NFIB: variants seen among roughly 807,000 people sequenced by gnomAD.
The protein encoded by NFIB is nuclear factor I B, also known as nuclear factor 1 B-type.
A neutral mutation model predicts 61.5 loss-of-function variants in NFIB; 11 were observed. That is an observed-to-expected ratio of 0.18 (90% CI 0.11 to 0.30). The LOEUF is 0.30. Ranked by LOEUF, NFIB falls within the 10% of genes least tolerant of loss-of-function variation. The pLI is 1.00. For missense variants in NFIB, 471 were observed against 608.9 expected (o/e 0.77, Z 2.38); for synonymous variants, 260 against 216.5 (o/e 1.20, Z -1.76).
intron 3 of NFIB, among the ~76,000 whole-genome samples, chr9:14,168,403 T>C (rs1342920022): frequency 2.0e-5 from 3 of 152,202 alleles, no homozygotes; most frequent in African/African-American, 7.2e-5. Context: ...AGAGAGGCTC[T>C]GAAGAAGTCT....
intron 1 of NFIB, among the ~76,000 whole-genome samples, chr9:14,324,267 T>G (rs2132832598): frequency 6.6e-6 from 1 of 152,256 alleles, no homozygotes; most frequent in South Asian, 2.1e-4. Context: ...GTCAAGTAAA[T>G]CACATTTAGT....
At chr9:14,463,903 G>T in the NFIB span, among the ~76,000 whole-genome samples, 1 of 152,020 alleles carries the variant, frequency 6.6e-6, no homozygotes, top group African/African-American at 2.4e-5. Context: ...CTCGTGGTCC[G>T]ACCGCCTCGG....
chr9:14,308,296 C>A (rs1022375557), intron 1 of NFIB, among the ~76,000 whole-genome samples: 1 of 151,522 alleles, frequency 6.6e-6, no homozygotes, highest in African/African-American at 2.4e-5. Context: ...GCAGTGCATT[C>A]TCTCCCCACA....
the NFIB span, among the ~76,000 whole-genome samples, chr9:14,426,476 T>G: frequency 6.6e-6 from 1 of 152,194 alleles, no homozygotes; most frequent in African/African-American, 2.4e-5. Context: ...TTGTTGTATC[T>G]TCATGTTTTA....
chr9:14,416,910 T>TTTTTTTTTTG, the NFIB span, among the ~76,000 whole-genome samples: 1 of 146,102 alleles, frequency 6.8e-6, no homozygotes, highest in African/African-American at 2.5e-5. Context: ...TTTTTTTTTT[T>TTTTTTTTTTG]GAGAAGGAGT....
intron 6 of NFIB, 107 bp from the exon 7 acceptor site, chr9:14,125,873 T>C: frequency 7.0e-7 from 1 of 1,433,452 alleles, no homozygotes; most frequent in Non-Finnish European, 9.3e-7. Flanking sequence ...ATTCTTATAC[T>C]TTGGCTCTTT....
At chr9:14,255,226 A>AAAAG (rs887805329) in intron 2 of NFIB, among the ~76,000 whole-genome samples, 1 of 152,164 alleles carries the variant, frequency 6.6e-6, no homozygotes, top group Non-Finnish European at 1.5e-5. Context: ...CTGACTCAAA[A>AAAAG]AAAGAAAGAA....
intron 3 of NFIB, among the ~76,000 whole-genome samples, chr9:14,167,698 A>G (rs1008513287): frequency 1.2e-4 from 18 of 152,194 alleles, no homozygotes; most frequent in Non-Finnish European, 2.5e-4. Flanking sequence ...AAAAAGAATC[A>G]CAAGTGAATC....
chr9:14,101,234 T>TA (rs1318234043), intron 10 of NFIB, among the ~76,000 whole-genome samples: 2 of 152,150 alleles, frequency 1.3e-5, no homozygotes, highest in Non-Finnish European at 2.9e-5. Flanking sequence ...ACAATCTTGT[T>TA]AAAAAAATCA....
At chr9:14,492,750 T>A in the NFIB span, among the ~76,000 whole-genome samples, 1 of 151,984 alleles carries the variant, frequency 6.6e-6, no homozygotes, top group Non-Finnish European at 1.5e-5. Flanking sequence ...CAACTGAACA[T>A]GAGATTTGGG....
At chr9:14,447,080 T>C in the NFIB span, among the ~76,000 whole-genome samples, 3 of 152,182 alleles carry the variant, frequency 2.0e-5, no homozygotes, top group African/African-American at 7.2e-5. Context: ...ATTTTTATCA[T>C]AAGAATCTTA....
chr9:14,169,607 G>T (rs1307178284), intron 3 of NFIB, among the ~76,000 whole-genome samples: 1 of 152,160 alleles, frequency 6.6e-6, no homozygotes, highest in African/African-American at 2.4e-5. Context: ...GATCACATGA[G>T]GTCAGGAGTT....
intron 1 of NFIB, among the ~76,000 whole-genome samples, chr9:14,322,911 G>C (rs2060697772): frequency 6.6e-6 from 1 of 152,170 alleles, no homozygotes; most frequent in African/African-American, 2.4e-5. Flanking sequence ...CTTCCCGACC[G>C]TGTGTCTGCG....
At chr9:14,331,609 T>C (rs917502688) in intron 1 of NFIB, among the ~76,000 whole-genome samples, 1 of 152,210 alleles carries the variant, frequency 6.6e-6, no homozygotes, top group Non-Finnish European at 1.5e-5. Context: ...GTAAGAAGGT[T>C]ATATTCATTC....
At chr9:14,497,240 T>C in the NFIB span, among the ~76,000 whole-genome samples, 2 of 152,244 alleles carry the variant, frequency 1.3e-5, no homozygotes, top group Admixed American at 6.5e-5. Flanking sequence ...ACTTACTACA[T>C]TCTATCAATG....
Position 14,082,757 on chromosome 9 carries a change from A to T in NFIB, c.*5552T>A, listed in dbSNP as rs2032194126. 1 of 196,814 alleles carries T rather than the reference A, an allele frequency of 5.1e-6. No individual in the cohort carries two copies. Among genetic ancestry groups the T allele is most frequent in the Admixed American group, 6.1e-5 (1 of 16,336 alleles). The allele number at this position is 196,814 out of a possible 1,614,324, so 12.2% of individuals were successfully genotyped here. A position where few individuals can be genotyped will look rare whatever the true frequency, so the allele number is the denominator to read the frequency against. ...ATGCCCTCGATGAAGGATGCATAAA[A>T]AGCCATACTTCTTAAAAAAAAAAAA... is the stretch of plus-strand genomic sequence containing the variant. On this transcript the variant is annotated 3_prime_UTR_variant, in exon 11 of 11. Coordinates refer to ENST00000380953, the MANE Select transcript of NFIB (RefSeq NM_001190737.2).
intron 1 of NFIB, among the ~76,000 whole-genome samples, chr9:14,351,114 G>A (rs1588352368): frequency 6.6e-6 from 1 of 152,254 alleles, no homozygotes; most frequent in East Asian, 1.9e-4. Context: ...TAAAAAATAG[G>A]TATCCCCAGA....
At chr9:14,126,883 T>C (rs2039723476) in intron 6 of NFIB, among the ~76,000 whole-genome samples, 1 of 152,194 alleles carries the variant, frequency 6.6e-6, no homozygotes, top group Admixed American at 6.5e-5. Flanking sequence ...CAAGACCGAA[T>C]GTATGCCACA....
chr9:14,287,526 C>T (rs1345597192), intron 2 of NFIB, among the ~76,000 whole-genome samples: 9 of 151,876 alleles, frequency 5.9e-5, no homozygotes, highest in East Asian at 2.0e-4. Flanking sequence ...CGGGTTCAAA[C>T]GATCTTCTGC....
Sources: gnomAD v4.1 joint callset for allele counts (sites outside exome capture counted in the v4.1 genomes callset) on GRCh38, gnomAD v4.1.1 for gene constraint, MANE v1.5 for transcripts, NCBI Gene and HGNC (gene_info 2026-07-23, HGNC 2026-07-21) for gene names.